Variants in CDCP2 observed in about 807,000 individuals in gnomAD.
The protein encoded by CDCP2 is CUB domain containing protein 2.
A neutral mutation model predicts 31.0 loss-of-function variants in CDCP2; 31 were observed. The observed-to-expected ratio is 1.00, with a 90% CI of 0.75 to 1.35. The LOEUF (loss-of-function observed/expected upper bound fraction) is 1.35. Among genes scored for constraint, CDCP2 ranks in the 40% most tolerant of loss-of-function variants. CDCP2 has a pLI of 0.00. For missense variants in CDCP2, 443 were observed against 482.6 expected (o/e 0.92, Z 0.77); for synonymous variants, 206 against 207.9 (o/e 0.99, Z 0.08).
At position 54,144,817 on chromosome 1, in the gene CDCP2, G is replaced by A. The variant is rs759653217; in HGVS notation, c.80-4C>T. ...AGCACACCCCCACATTTGACACCTG[G>A]GGCAAGAGAGAAGTATGGCTGAGAC... is the stretch of plus-strand genomic sequence containing the variant. On this transcript the variant is annotated splice_region_variant and splice_polypyrimidine_tract_variant and intron_variant, in intron 1 of 5. Transcript: ENST00000530059. The A allele has an allele frequency of 1.9e-6, 3 of 1,602,990 alleles. No individual in the cohort carries two copies. The highest frequency in any genetic ancestry group is 2.2e-5 in the South Asian group (2 of 89,490).
At chr1:54,151,267 G>A (rs1231099099) in intron 1 of CDCP2, among the ~76,000 whole-genome samples, 1 of 152,188 alleles carries the variant, frequency 6.6e-6, no homozygotes, top group East Asian at 1.9e-4. Context: ...TGAGCTAAAG[G>A]CTGTGTGAGG....
chr1:54,148,588 A>G (rs550695074), intron 1 of CDCP2, among the ~76,000 whole-genome samples: 1 of 151,888 alleles, frequency 6.6e-6, no homozygotes, highest in South Asian at 2.1e-4. Context: ...GTCTACAGTT[A>G]GAGTAAATAT....
In CDCP2 at chr1:54,141,407, G is replaced by A. The variant is rs752092762; in HGVS notation, c.454C>T (p.Leu152=). ...TCAGGACTGGTGAGGACCCCTGACA[G>A]GCCAGTCAGGACGCCGCCACACACA... Residue 152 remains leucine (L), a synonymous_variant, in exon 3 of 6, where the codon CTG becomes TTG. Transcript: ENST00000530059. 6.8e-6 allele frequency: 11 copies of A among 1,611,490 alleles called. No individual in the cohort carries two copies. In the East Asian group the frequency reaches 2.5e-4, roughly 36 times the overall value.
chr1:54,139,940 C>T (rs759776033), exon 4 of CDCP2: 1 of 1,614,216 alleles, frequency 6.2e-7, no homozygotes, highest in South Asian at 1.1e-5. Context: ...AGGTCTTGGT[C>T]AGGCTGTTGG....
chr1:54,144,119 G>A (rs553771201), intron 2 of CDCP2: 6 of 212,880 alleles, frequency 2.8e-5, no homozygotes, highest in Non-Finnish European at 5.6e-5. Flanking sequence ...ACCCTCTGAC[G>A]ACTCTAGGAG....
At position 54,152,906 on chromosome 1, in the gene CDCP2, C is replaced by T. The variant is rs749165222; in HGVS notation, c.17G>A (p.Gly6Glu). 6 of 1,614,206 alleles carry T rather than the reference C, an allele frequency of 3.7e-6. No individual in the cohort carries two copies. In the East Asian group the frequency reaches 1.3e-4, roughly 36 times the overall value. The stretch of plus-strand genomic sequence containing the variant: ...TGCCACTGCCAGCAGCAGGCAAGCC[C>T]CCCACTCTGCCAGCATCTCCTCACC... Residue 6 changes from glycine to glutamate, a missense_variant, in exon 1 of 6, where the codon GGG (glycine) becomes GAG (glutamate). Gly to Glu is a moderately conservative substitution (Grantham distance 98, BLOSUM62 -2). Transcript: ENST00000530059.
chr1:54,151,945 G>A (rs1357547245), intron 1 of CDCP2, among the ~76,000 whole-genome samples: 2 of 152,202 alleles, frequency 1.3e-5, no homozygotes, highest in African/African-American at 4.8e-5. Context: ...AGACTTTCCA[G>A]ACAGAGGGGA....
intron 2 of CDCP2, chr1:54,144,105 T>C (rs909418818): frequency 4.9e-6 from 1 of 202,082 alleles, no homozygotes; most frequent in Non-Finnish European, 1.0e-5. Context: ...CTGAGCGCAG[T>C]GCGACCCTCT....
At position 54,141,094 on chromosome 1, in the gene CDCP2, C is replaced by T. The variant is rs770550894; in HGVS notation, c.763+4G>A. 1 of 1,519,036 alleles carries T rather than the reference C, an allele frequency of 6.6e-7. No homozygotes were observed. The highest frequency in any genetic ancestry group is 2.3e-5 in the East Asian group (1 of 44,074). 94.1% of individuals were successfully genotyped at this position (1,519,036 alleles called of 1,614,324 possible). ...ATTCAGGGTGGAGCGCCAGCCCCTC[C>T]TACCTGAGAAGTAGTAGGCCTTGAA... On this transcript the variant is annotated splice_donor_region_variant and intron_variant, in intron 3 of 5. Coordinates refer to ENST00000530059, the Ensembl canonical transcript of CDCP2.
chr1:54,144,593 G>T (rs1475837460), exon 2 of CDCP2: 7 of 1,614,234 alleles, frequency 4.3e-6, no homozygotes, highest in East Asian at 2.2e-5. Context: ...TCCCCAGCAG[G>T]TTGCCCTTGT....
chr1:54,136,660 G>T (rs926829821), exon 5 of CDCP2: 29 of 399,020 alleles, frequency 7.3e-5, no homozygotes, highest in Admixed American at 1.3e-4. Flanking sequence ...TATCAAAGCG[G>T]GCCTGGATCC....
chr1:54,152,991 G>A (rs1659611258), upstream of CDCP2: 1 of 1,449,154 alleles, frequency 6.9e-7, no homozygotes, highest in African/African-American at 1.4e-5. Flanking sequence ...CCGGAGCAAG[G>A]GAAAGAGAGG....
chr1:54,135,348 G>A (rs4927057), intron 5 of CDCP2, among the ~76,000 whole-genome samples: 17,973 of 152,194 alleles, frequency 0.12, 1,316 homozygotes, highest in East Asian at 0.38. Flanking sequence ...GCTGTCAGCC[G>A]TTTGAGCTGC....
At chr1:54,139,661 A>G (rs1348740546) in intron 4 of CDCP2, 92 bp downstream of exon 4, 2 of 1,613,810 alleles carry the variant, frequency 1.2e-6, no homozygotes, top group Non-Finnish European at 1.7e-6. Context: ...GGGCAGGACA[A>G]ACTGGTGGGA....
At chr1:54,146,751 T>C (rs1352761678) in intron 1 of CDCP2, among the ~76,000 whole-genome samples, 5 of 151,772 alleles carry the variant, frequency 3.3e-5, no homozygotes, top group Non-Finnish European at 7.3e-5. Flanking sequence ...TATCTTGCCA[T>C]GCCAAACAGC....
intron 5 of CDCP2, among the ~76,000 whole-genome samples, chr1:54,134,741 TG>T (rs1490637558): frequency 1.9e-5 from 1 of 52,240 alleles, no homozygotes; most frequent in Admixed American, 2.5e-4. Context: ...TTTTTTGTTT[TG>T]TTTTGTTTTT....
exon 6 of CDCP2, chr1:54,132,989 G>A (rs571180231): frequency 2.4e-4 from 96 of 399,002 alleles, no homozygotes; most frequent in African/African-American, 1.6e-3. Flanking sequence ...TCAAGACCAC[G>A]ATGGCAATAA....
intron 4 of CDCP2, chr1:54,139,158 C>T (rs1228515862): frequency 4.7e-6 from 1 of 214,142 alleles, no homozygotes; most frequent in Admixed American, 5.1e-5. Flanking sequence ...CCCCTGTCCC[C>T]TCCAGTCTTG....
chr1:54,141,282 C>T, exon 3 of CDCP2: 1 of 1,614,226 alleles, frequency 6.2e-7, no homozygotes, highest in Non-Finnish European at 8.5e-7. Context: ...CTTCATTGCC[C>T]TCCACCTGGA....
Sources: allele counts gnomAD v4.1 joint callset (sites outside exome capture counted in the v4.1 genomes callset), GRCh38; gene constraint gnomAD v4.1.1; transcripts MANE v1.5; gene names NCBI Gene and HGNC (gene_info 2026-07-23, HGNC 2026-07-21).